The following ATXN10 variants were observed in gnomAD, a reference collection of about 807,000 sequenced individuals.
ATXN10 encodes the protein ataxin-10.
In ATXN10, 28 loss-of-function variants were observed where a neutral mutation model predicts 52.9. The ratio of observed to expected loss-of-function variants is 0.53; its 90% CI spans 0.39 to 0.73. The LOEUF (loss-of-function observed/expected upper bound fraction) is 0.73. Among genes scored for constraint, ATXN10 ranks in the 30% least tolerant of loss-of-function variants. The pLI is 0.00. For missense variants in ATXN10, 565 were observed against 577.0 expected, an observed-to-expected ratio of 0.98 and a Z score of 0.21; for synonymous variants, 226 against 221.5, an observed-to-expected ratio of 1.02 and a Z score of -0.18.
In ATXN10 at chr22:45,820,334, A is replaced by G. The variant is rs1338289061; in HGVS notation, c.1237+13312A>G. The stretch of plus-strand genomic sequence containing the variant: ...GTTGGAGAAACAGGCCATTGTGATA[A>G]TACAGGACAGAACGCTAAGGGGTGG... On this transcript the variant is annotated intron_variant, in intron 10 of 11. Coordinates refer to ENST00000252934, the MANE Select transcript of ATXN10 (RefSeq NM_013236.4). The surrounding 1 kb of genome is among the most constrained non-coding windows in gnomAD (Gnocchi z 4.9). Among the ~76,000 whole-genome samples, 1 of 152,228 alleles carries G rather than the reference A, an allele frequency of 6.6e-6. No homozygotes were observed. Among genetic ancestry groups the G allele is most frequent in the Non-Finnish European group, 1.5e-5 (1 of 68,048 alleles).
At chr22:45,735,526 A>G (rs1199520334) in intron 7 of ATXN10, among the ~76,000 whole-genome samples, 9 of 152,290 alleles carry the variant, frequency 5.9e-5, no homozygotes, top group East Asian at 5.8e-4. Context: ...TCAGAGAGGT[A>G]TGTGTTTATA....
At chr22:45,689,092 C>T (rs777135311) in intron 1 of ATXN10, among the ~76,000 whole-genome samples, 30 of 152,348 alleles carry the variant, frequency 2.0e-4, no homozygotes, top group South Asian at 8.3e-4. Context: ...TCTCCTTTCT[C>T]TCCCATCTAT....
At chr22:45,721,305 T>A (rs1924640894) in intron 6 of ATXN10, among the ~76,000 whole-genome samples, 1 of 152,332 alleles carries the variant, frequency 6.6e-6, no homozygotes, top group South Asian at 2.1e-4. Flanking sequence ...TTTTCAGGTT[T>A]ATGATCTCTG....
At chr22:45,817,795 G>T (rs929024342) in intron 10 of ATXN10, among the ~76,000 whole-genome samples, 12 of 152,126 alleles carry the variant, frequency 7.9e-5, no homozygotes, top group African/African-American at 2.9e-4. Context: ...TGATTGCCGG[G>T]TGCAGGACTG....
Position 45,840,470 on chromosome 22 carries a change from A to G in ATXN10, c.1238-2521A>G, listed in dbSNP as rs1489785092. On this transcript the variant is annotated intron_variant, in intron 10 of 11. Transcript: ENST00000252934. The surrounding 1 kb of genome is among the most constrained non-coding windows in gnomAD (Gnocchi z 5.8). ...TCTCGAAGGCTAAGTGTGCCCCATG[A>G]GAAAGGAAGCAGCAGTGAGGGAAGC... is the stretch of plus-strand genomic sequence containing the variant. Among the ~76,000 whole-genome samples the G allele has an allele frequency of 6.6e-6, 1 of 152,210 alleles. No homozygotes were observed. The highest frequency in any genetic ancestry group is 1.5e-5 in the Non-Finnish European group (1 of 68,034).
In ATXN10 at chr22:45,699,679, A is replaced by G. The variant is rs191332780; in HGVS notation, c.392-603A>G. Among the ~76,000 whole-genome samples, 739 of 151,134 alleles carry G rather than the reference A, an allele frequency of 4.9e-3. 3 individuals are homozygous for G. Among genetic ancestry groups the G allele is most frequent in the Middle Eastern group, 6.9e-3 (2 of 290 alleles). On this transcript the variant is annotated intron_variant, in intron 3 of 11. Coordinates refer to ENST00000252934, the MANE Select transcript of ATXN10 (RefSeq NM_013236.4). ...GCTAATTTTTGTGTTTTCAGTAGTG[A>G]CGGGGTTTCATCACGTTGGCCAGGC...
chr22:45,726,920 A>T (rs928248388), intron 6 of ATXN10, among the ~76,000 whole-genome samples: 2 of 152,124 alleles, frequency 1.3e-5, no homozygotes, highest in Non-Finnish European at 2.9e-5. Flanking sequence ...GGGCTAAGCA[A>T]TCCTCCTGCC....
At chr22:45,687,798 C>T (rs1923205825) in intron 1 of ATXN10, among the ~76,000 whole-genome samples, 1 of 152,194 alleles carries the variant, frequency 6.6e-6, no homozygotes, top group Non-Finnish European at 1.5e-5. Context: ...CAGTGGCTCA[C>T]ACCTGTAATC....
intron 6 of ATXN10, among the ~76,000 whole-genome samples, chr22:45,722,335 T>G (rs1185694407): frequency 2.0e-5 from 3 of 152,196 alleles, no homozygotes; most frequent in Non-Finnish European, 4.4e-5. Flanking sequence ...TATACCAGAC[T>G]AAAGAGCTTT....
intron 1 of ATXN10, among the ~76,000 whole-genome samples, chr22:45,685,910 T>C (rs1461481616): frequency 6.6e-6 from 1 of 151,830 alleles, no homozygotes; most frequent in Non-Finnish European, 1.5e-5. Context: ...AAATTTAAAA[T>C]ACAGTTAATT....
chr22:45,753,088 CTTAT>C (rs1926043455), intron 9 of ATXN10, among the ~76,000 whole-genome samples: 1 of 152,010 alleles, frequency 6.6e-6, no homozygotes, highest in Admixed American at 6.6e-5. Flanking sequence ...ATTTAAGACA[CTTAT>C]TTTCTCTTGG....
At chr22:45,720,964 G>C (rs1368298015) in intron 6 of ATXN10, among the ~76,000 whole-genome samples, 1 of 152,228 alleles carries the variant, frequency 6.6e-6, no homozygotes, top group Non-Finnish European at 1.5e-5. Flanking sequence ...GCATTACAGA[G>C]ACACAGTCCC....
rs537240240 is a variant in ATXN10 at position 45,780,640 on chromosome 22, A to G, written c.1174-26319A>G. On this transcript the variant is annotated intron_variant, in intron 9 of 11. Coordinates refer to ENST00000252934, the MANE Select transcript of ATXN10 (RefSeq NM_013236.4). The surrounding 1 kb of genome is among the most constrained non-coding windows in gnomAD (Gnocchi z 4.0). ...CATGTAACGTGAACAGTGCTGGCCAATGCTTAGTACATATTAACTGCCTTT... is the reference window on the plus strand; with the variant it reads ...CATGTAACGTGAACAGTGCTGGCCAGTGCTTAGTACATATTAACTGCCTTT... Among the ~76,000 whole-genome samples, 21 of 152,366 alleles carry G rather than the reference A, an allele frequency of 1.4e-4. No homozygotes were observed. The South Asian group carries it at 2.1e-3, about 15-fold the overall frequency.
At position 45,843,695 on chromosome 22, in the gene ATXN10, AT is replaced by A; in HGVS notation, c.*29del. ...GAATGAACTACATCCAAATACCTGAATTTTTGGAATCTGTTTCATGGATTTT... is the reference window on the plus strand; with the variant it reads ...GAATGAACTACATCCAAATACCTGAATTTTGGAATCTGTTTCATGGATTTT... On this transcript the variant is annotated 3_prime_UTR_variant, in exon 12 of 12. Coordinates refer to ENST00000252934, the MANE Select transcript of ATXN10 (RefSeq NM_013236.4). The surrounding 1 kb of genome is among the most constrained non-coding windows in gnomAD (Gnocchi z 4.5). The A allele has an allele frequency of 6.2e-7, 1 of 1,608,202 alleles. No individual in the cohort carries two copies. The highest frequency in any genetic ancestry group is 8.5e-7 in the Non-Finnish European group (1 of 1,175,488).
chr22:45,683,809 C>G lies in ATXN10; in HGVS notation c.117-5903C>G, dbSNP rs1040169874. Among the ~76,000 whole-genome samples the G allele has an allele frequency of 1.4e-4, 21 of 152,142 alleles. No individual in the cohort carries two copies. The highest frequency in any genetic ancestry group is 4.8e-4 in the African/African-American group (20 of 41,412). On this transcript the variant is annotated intron_variant, in intron 1 of 11. Coordinates refer to ENST00000252934, the MANE Select transcript of ATXN10 (RefSeq NM_013236.4). The surrounding 1 kb of genome is among the most constrained non-coding windows in gnomAD (Gnocchi z 4.8). ...CCTCTTCGAGCACAGTCCATCTTCC[C>G]CAGGTCTTTAATGCTATTGATAGAT... is the stretch of plus-strand genomic sequence containing the variant.
chr22:45,721,972 G>GTAAGTAC (rs1924671927), intron 6 of ATXN10, among the ~76,000 whole-genome samples: 1 of 152,116 alleles, frequency 6.6e-6, no homozygotes. Context: ...GGCAGACTAT[G>GTAAGTAC]TAAGTACTGT....
chr22:45,672,063 G>C lies in ATXN10; in HGVS notation c.-1G>C, dbSNP rs2146716025. 1 of 1,536,602 alleles carries C rather than the reference G, an allele frequency of 6.5e-7. No homozygotes were observed. Among genetic ancestry groups the C allele is most frequent in the Non-Finnish European group, 8.7e-7 (1 of 1,145,046 alleles). ...GGCTCGACCCAGCTGTGAGCGGCAAGATGGCGGCGCCCAGGCCGCCGCCTG... is the reference window on the plus strand; with the variant it reads ...GGCTCGACCCAGCTGTGAGCGGCAACATGGCGGCGCCCAGGCCGCCGCCTG... On this transcript the variant is annotated 5_prime_UTR_variant, in exon 1 of 12. Coordinates refer to ENST00000252934, the MANE Select transcript of ATXN10 (RefSeq NM_013236.4).
rs1569038768 is a variant in ATXN10, at chr22:45,727,335, C to CTATCTATT, written c.729-2083_729-2082insTTATCTAT. On this transcript the variant is annotated intron_variant, in intron 6 of 11. Transcript: ENST00000252934. The surrounding 1 kb of genome is among the most constrained non-coding windows in gnomAD (Gnocchi z 4.6). The stretch of plus-strand genomic sequence containing the variant: ...TGTCTGTCTGTCTATCTATCTATAT[C>CTATCTATT]TATCTATCTATCTATCTATCTATCT... 6.7e-6 allele frequency among the ~76,000 whole-genome samples: 1 copy of CTATCTATT among 148,264 alleles called. No homozygotes were observed. Among genetic ancestry groups the CTATCTATT allele is most frequent in the Non-Finnish European group, 1.5e-5 (1 of 66,814 alleles).
intron 9 of ATXN10, among the ~76,000 whole-genome samples, chr22:45,798,090 C>G (rs1225460270): frequency 6.6e-6 from 1 of 152,192 alleles, no homozygotes; most frequent in Non-Finnish European, 1.5e-5. Flanking sequence ...TGAATTCTGT[C>G]AAGCATTTAA....
Sources: gnomAD v4.1 joint callset for allele counts (sites outside exome capture counted in the v4.1 genomes callset) on GRCh38, gnomAD v4.1.1 for gene constraint, Gnocchi (gnomAD v3.1) non-coding constraint, MANE v1.5 for transcripts, NCBI Gene and HGNC (gene_info 2026-07-23, HGNC 2026-07-21) for gene names.